THSD7B: variants seen among roughly 807,000 people sequenced by gnomAD.
The protein encoded by THSD7B is thrombospondin type-1 domain-containing protein 7B.
THSD7B carries 138 observed loss-of-function variants against 213.6 expected under a neutral mutation model. The ratio of observed to expected loss-of-function variants is 0.65; its 90% CI spans 0.56 to 0.74. The LOEUF (loss-of-function observed/expected upper bound fraction) is 0.74. THSD7B is among the 30% of genes least tolerant of loss of function. The probability of loss-of-function intolerance (pLI) is 0.00; values close to 1 mark genes in which losing one functional copy is unlikely to be tolerated. For synonymous variants in THSD7B, 742 were observed against 687.0 expected (o/e 1.08, Z -1.25); for missense variants, 1,931 against 1,991.5 (o/e 0.97, Z 0.58).
chr2:137,215,294 T>C (rs191571348), intron 7 of THSD7B, among the ~76,000 whole-genome samples: 61 of 152,320 alleles, frequency 4.0e-4, no homozygotes, highest in African/African-American at 1.4e-3. Context: ...TTGTTTCTTG[T>C]AAATTTGTTT....
chr2:137,349,318 G>A (rs1684958556), intron 12 of THSD7B, among the ~76,000 whole-genome samples: 1 of 151,694 alleles, frequency 6.6e-6, no homozygotes, highest in African/African-American at 2.4e-5. Context: ...GGAATAAAAT[G>A]ATCATGAAAA....
chr2:137,621,109 G>C (rs757250751), intron 20 of THSD7B, among the ~76,000 whole-genome samples: 1 of 152,134 alleles, frequency 6.6e-6, no homozygotes, highest in Non-Finnish European at 1.5e-5. Flanking sequence ...TAGATTAGAG[G>C]CTTGCTTTTC....
chr2:136,783,293 A>G (rs1301634466), intron 1 of THSD7B, among the ~76,000 whole-genome samples: 1 of 152,204 alleles, frequency 6.6e-6, no homozygotes, highest in East Asian at 1.9e-4. Context: ...CTACCTAGCT[A>G]GCAAAATCTT....
chr2:137,020,188 A>G (rs1686416914), intron 2 of THSD7B, among the ~76,000 whole-genome samples: 2 of 152,170 alleles, frequency 1.3e-5, no homozygotes, highest in African/African-American at 4.8e-5. Context: ...GACCCTACTA[A>G]AAGTAGATGA....
At chr2:136,954,586 G>A (rs1685092520) in intron 2 of THSD7B, among the ~76,000 whole-genome samples, 1 of 151,922 alleles carries the variant, frequency 6.6e-6, no homozygotes, top group East Asian at 1.9e-4. Flanking sequence ...CGAGGTGGCG[G>A]GCGCCTGTAG....
intron 3 of THSD7B, among the ~76,000 whole-genome samples, chr2:137,068,465 C>T (rs1249272394): frequency 1.3e-5 from 2 of 152,044 alleles, no homozygotes; most frequent in Non-Finnish European, 1.5e-5. Context: ...AAAATGTTAA[C>T]TCTTGACAGT....
At position 137,623,266 on chromosome 2, in the gene THSD7B, C is replaced by A. The variant is rs1373267704; in HGVS notation, c.3799+2540C>A. ...CAACAGAGGCAGAAAAGGCCTTTGA[C>A]AAAATTCAACAGTCCTTCATGCTAA... is the stretch of plus-strand genomic sequence containing the variant. On this transcript the variant is annotated intron_variant, in intron 20 of 27. Coordinates refer to ENST00000409968, the MANE Select transcript of THSD7B (RefSeq NM_001316349.2). 3.3e-5 allele frequency among the ~76,000 whole-genome samples: 5 copies of A among 152,122 alleles called. No individual in the cohort carries two copies. In the East Asian group the frequency reaches 9.6e-4, roughly 29 times the overall value.
chr2:136,793,942 AT>A (rs1387821519), intron 1 of THSD7B, among the ~76,000 whole-genome samples: 2 of 151,312 alleles, frequency 1.3e-5, no homozygotes, highest in East Asian at 3.9e-4. Flanking sequence ...ACAAATTTTC[AT>A]TGTTTTTCAT....
At chr2:137,233,656 A>C (rs2105056909) in intron 9 of THSD7B, among the ~76,000 whole-genome samples, 1 of 152,330 alleles carries the variant, frequency 6.6e-6, no homozygotes, top group South Asian at 2.1e-4. Context: ...GAGATATAAA[A>C]CTTTTTAAAG....
intron 12 of THSD7B, among the ~76,000 whole-genome samples, chr2:137,399,443 T>G (rs1355683172): frequency 6.6e-6 from 1 of 152,118 alleles, no homozygotes; most frequent in Non-Finnish European, 1.5e-5. Flanking sequence ...TCTCCCAGCC[T>G]TGGCCTCCGA....
At chr2:137,029,579 A>G (rs529512919) in intron 2 of THSD7B, among the ~76,000 whole-genome samples, 1 of 152,326 alleles carries the variant, frequency 6.6e-6, no homozygotes, top group African/African-American at 2.4e-5. Flanking sequence ...AATCTGAAAA[A>G]TAACATTAAG....
At chr2:136,793,492 C>T (rs536014502) in intron 1 of THSD7B, among the ~76,000 whole-genome samples, 1 of 151,994 alleles carries the variant, frequency 6.6e-6, no homozygotes, top group East Asian at 1.9e-4. Flanking sequence ...TTATCTTTTG[C>T]TTTGTTTAAT....
intron 2 of THSD7B, among the ~76,000 whole-genome samples, chr2:136,903,460 ATTTT>A (rs538227195): frequency 1.3e-5 from 2 of 150,738 alleles, no homozygotes; most frequent in African/African-American, 4.9e-5. Context: ...TGCTTTCAGA[ATTTT>A]TTTTTTAATT....
chr2:137,004,562 G>A (rs545400241), intron 2 of THSD7B, among the ~76,000 whole-genome samples: 11 of 152,204 alleles, frequency 7.2e-5, no homozygotes, highest in African/African-American at 2.6e-4. Flanking sequence ...ATCTGACTCA[G>A]GTAATTAGTC....
chr2:137,166,992 G>T (rs1356063801), intron 6 of THSD7B, among the ~76,000 whole-genome samples: 1 of 151,976 alleles, frequency 6.6e-6, no homozygotes, highest in Admixed American at 6.6e-5. Flanking sequence ...GATACTATAA[G>T]ATACTATCCC....
intron 2 of THSD7B, among the ~76,000 whole-genome samples, chr2:136,947,009 C>G (rs1006667123): frequency 1.3e-5 from 2 of 152,190 alleles, no homozygotes; most frequent in African/African-American, 4.8e-5. Flanking sequence ...CAACCAGTCC[C>G]AGTGAGATGA....
At chr2:137,095,898 C>T (rs184464258) in intron 4 of THSD7B, among the ~76,000 whole-genome samples, 206 of 152,144 alleles carry the variant, frequency 1.4e-3, no homozygotes, top group African/African-American at 4.9e-3. Flanking sequence ...GATGGGGTCT[C>T]ACTGTGTTGC....
In THSD7B at chr2:136,807,509, G is replaced by C. The variant is rs796813123; in HGVS notation, c.-36+41822G>C. Among the ~76,000 whole-genome samples, 33 of 104,880 alleles carry C rather than the reference G, an allele frequency of 3.1e-4. 3 individuals carry two copies. In the South Asian group the frequency reaches 0.01, roughly 33 times the overall value. 68.8% of individuals were successfully genotyped at this position (104,880 alleles called of 152,430 possible). ...ACTTCCTAGCACTACAAAATGTTTCGTTTTTTTTTTTTTTTTGAGACGGAG... is the reference window on the plus strand; with the variant it reads ...ACTTCCTAGCACTACAAAATGTTTCCTTTTTTTTTTTTTTTTGAGACGGAG... On this transcript the variant is annotated intron_variant, in intron 1 of 27. Transcript: ENST00000409968.
At position 137,276,115 on chromosome 2, in the gene THSD7B, G is replaced by A. The variant is rs542354022; in HGVS notation, c.2500+89G>A. 5.6e-6 allele frequency: 5 copies of A among 885,312 alleles called. No individual in the cohort carries two copies. In the African/African-American group the frequency reaches 8.9e-5, roughly 16 times the overall value. 54.8% of individuals were successfully genotyped at this position (885,312 alleles called of 1,614,324 possible). Reference sequence around the variant, plus strand: ...GTGTTGCTTACTTTTATATTTGAATGAATTGTGATATTATTGGCTTGAATT... The same window carrying A: ...GTGTTGCTTACTTTTATATTTGAATAAATTGTGATATTATTGGCTTGAATT... On this transcript the variant is annotated intron_variant, in intron 12 of 27. Coordinates refer to ENST00000409968, the MANE Select transcript of THSD7B (RefSeq NM_001316349.2).
Sources: gnomAD v4.1 joint callset for allele counts (sites outside exome capture counted in the v4.1 genomes callset) on GRCh38, gnomAD v4.1.1 for gene constraint, MANE v1.5 for transcripts, NCBI Gene and HGNC (gene_info 2026-07-23, HGNC 2026-07-21) for gene names.